The following SPAG16 variants were observed in gnomAD, a reference collection of about 807,000 sequenced individuals.
SPAG16 encodes sperm-associated antigen 16 protein.
Under a neutral mutation model 80.4 loss-of-function variants are expected in SPAG16, and 86 were observed. The ratio of observed to expected loss-of-function variants is 1.07; its 90% CI spans 0.90 to 1.28. SPAG16 has a LOEUF of 1.28. Ranked by LOEUF, SPAG16 falls within the 50% of genes most tolerant of loss-of-function variation. The pLI is 0.00. For synonymous variants in SPAG16, 294 were observed against 265.9 expected (o/e 1.11, Z -1.03); for missense variants, 870 against 765.3 (o/e 1.14, Z -1.61).
chr2:213,761,778 A>C (rs552367018), intron 10 of SPAG16, among the ~76,000 whole-genome samples: 14 of 152,202 alleles, frequency 9.2e-5, no homozygotes, highest in African/African-American at 3.4e-4. Flanking sequence ...AGGCAGGAGA[A>C]TGGCATGAAC....
At chr2:214,152,765 A>T (rs888308961) in intron 15 of SPAG16, among the ~76,000 whole-genome samples, 4 of 152,160 alleles carry the variant, frequency 2.6e-5, no homozygotes, top group Non-Finnish European at 5.9e-5. Context: ...ATGATAGGTA[A>T]GGTCACGTGG....
chr2:213,417,923 G>A (rs368896275), intron 9 of SPAG16, among the ~76,000 whole-genome samples: 14 of 150,194 alleles, frequency 9.3e-5, no homozygotes, highest in African/African-American at 3.4e-4. Context: ...CCAGGTTGGA[G>A]TGTGCAGTGG....
chr2:214,311,195 CCT>C lies in SPAG16; in HGVS notation c.1721-98939_1721-98938del, dbSNP rs980620275. Among the ~76,000 whole-genome samples the C allele has an allele frequency of 3.8e-4, 57 of 151,322 alleles. 1 individual carries two copies. The highest frequency in any genetic ancestry group is 1.6e-3 in the Admixed American group (25 of 15,196). On this transcript the variant is annotated intron_variant, in intron 15 of 15. Coordinates refer to ENST00000331683, the MANE Select transcript of SPAG16 (RefSeq NM_024532.5). ...GAGCGCTTTGGCAGTCTGCATTCCC[CCT>C]CTCTCCCTCTCTCTAGGGTCAGCAC... is the stretch of plus-strand genomic sequence containing the variant.
intron 10 of SPAG16, among the ~76,000 whole-genome samples, chr2:213,513,759 A>C (rs753896740): frequency 6.6e-6 from 1 of 152,164 alleles, no homozygotes; most frequent in Non-Finnish European, 1.5e-5. Flanking sequence ...GGTCCCCTTC[A>C]TATTTATGAG....
intron 10 of SPAG16, among the ~76,000 whole-genome samples, chr2:213,601,776 C>T (rs2061071473): frequency 6.6e-6 from 1 of 152,186 alleles, no homozygotes; most frequent in African/African-American, 2.4e-5. Context: ...CTATAGCATT[C>T]AGTACAGTAA....
intron 14 of SPAG16, among the ~76,000 whole-genome samples, chr2:214,112,764 A>T (rs1203015341): frequency 6.7e-6 from 1 of 148,574 alleles, no homozygotes; most frequent in Non-Finnish European, 1.5e-5. Flanking sequence ...ATGGCTCTTG[A>T]TTCTTTATCG....
At chr2:214,401,809 G>A (rs961668590) in intron 15 of SPAG16, among the ~76,000 whole-genome samples, 31 of 151,942 alleles carry the variant, frequency 2.0e-4, no homozygotes, top group African/African-American at 7.5e-4. Context: ...GCTAGAAAAT[G>A]TAACATGTTC....
intron 15 of SPAG16, among the ~76,000 whole-genome samples, chr2:214,331,127 G>A (rs906961922): frequency 7.9e-5 from 12 of 152,082 alleles, no homozygotes; most frequent in Admixed American, 1.3e-4. Context: ...CTGGGGCTCC[G>A]GCAACTGGTC....
chr2:214,262,623 T>C lies in SPAG16; in HGVS notation c.1720+113357T>C, dbSNP rs184241535. ...TAACCATAATTTTAATAATAATTTA[T>C]GTCAAAACAATATTTTTTCTGTATC... On this transcript the variant is annotated intron_variant, in intron 15 of 15. Coordinates refer to ENST00000331683, the MANE Select transcript of SPAG16 (RefSeq NM_024532.5). Among the ~76,000 whole-genome samples, 128 of 152,204 alleles carry C rather than the reference T, an allele frequency of 8.4e-4. 1 individual carries two copies. The highest frequency in any genetic ancestry group is 7.0e-3 in the Admixed American group (107 of 15,296).
chr2:214,290,451 T>C (rs1693713509), intron 15 of SPAG16, among the ~76,000 whole-genome samples: 1 of 152,168 alleles, frequency 6.6e-6, no homozygotes. Context: ...TCCTAATTCC[T>C]TGAGGTGCAT....
Position 213,930,173 on chromosome 2 carries a change from C to T in SPAG16, c.1400+28C>T, listed in dbSNP as rs775646971. ...AAGAAGTACTTTAAACATTACTAATCCTCTGTGCTGATACATATACGTGGG... is the reference window on the plus strand; with the variant it reads ...AAGAAGTACTTTAAACATTACTAATTCTCTGTGCTGATACATATACGTGGG... On this transcript the variant is annotated intron_variant, in intron 12 of 15. Coordinates refer to ENST00000331683, the MANE Select transcript of SPAG16 (RefSeq NM_024532.5). The T allele has an allele frequency of 7.0e-6, 11 of 1,579,020 alleles. 1 individual carries two copies. Among genetic ancestry groups the T allele is most frequent in the African/African-American group, 5.4e-5 (4 of 73,848 alleles).
At chr2:214,153,288 C>T (rs2056065945) in intron 15 of SPAG16, among the ~76,000 whole-genome samples, 1 of 152,130 alleles carries the variant, frequency 6.6e-6, no homozygotes, top group Admixed American at 6.6e-5. Flanking sequence ...GGTCACTTCT[C>T]ACTGTGTCCC....
chr2:213,518,901 C>T (rs545662387), intron 10 of SPAG16, among the ~76,000 whole-genome samples: 20 of 152,228 alleles, frequency 1.3e-4, no homozygotes, highest in South Asian at 6.2e-4. Flanking sequence ...ATAAAAAGAA[C>T]GAAATCATGT....
chr2:214,313,914 C>T (rs1217271893), intron 15 of SPAG16, among the ~76,000 whole-genome samples: 2 of 152,002 alleles, frequency 1.3e-5, no homozygotes, highest in African/African-American at 4.8e-5. Context: ...TGAAATGACT[C>T]CTAAGTATTC....
At chr2:213,826,699 A>G (rs1206055533) in intron 10 of SPAG16, among the ~76,000 whole-genome samples, 3 of 152,030 alleles carry the variant, frequency 2.0e-5, no homozygotes, top group Non-Finnish European at 2.9e-5. Flanking sequence ...TGCTGATGAA[A>G]GAATGTGTAT....
Position 213,888,799 on chromosome 2 carries a change from C to G in SPAG16, c.1214+26171C>G, listed in dbSNP as rs959342841. Among the ~76,000 whole-genome samples the G allele has an allele frequency of 2.0e-5, 3 of 151,788 alleles. No homozygotes were observed. In the East Asian group the frequency reaches 5.8e-4, roughly 29 times the overall value. On this transcript the variant is annotated intron_variant, in intron 11 of 15. Transcript: ENST00000331683. ...CATTTAGAATTATTCTAGTGAGATG[C>G]TCATTAGACTAGAAAATAAAAACAT...
At chr2:214,085,304 G>A (rs2051651191) in intron 13 of SPAG16, among the ~76,000 whole-genome samples, 1 of 151,202 alleles carries the variant, frequency 6.6e-6, no homozygotes, top group South Asian at 2.1e-4. Flanking sequence ...CCCAGGAGAC[G>A]GAGGCTGCGG....
At chr2:214,247,687 C>T (rs1369453495) in intron 15 of SPAG16, among the ~76,000 whole-genome samples, 1 of 152,046 alleles carries the variant, frequency 6.6e-6, no homozygotes, top group Non-Finnish European at 1.5e-5. Flanking sequence ...TATGGGAGGA[C>T]AGGTACATTT....
chr2:214,023,057 C>G (rs2047956711), intron 13 of SPAG16, among the ~76,000 whole-genome samples: 1 of 151,860 alleles, frequency 6.6e-6, no homozygotes, highest in South Asian at 2.1e-4. Context: ...TTAATATTCC[C>G]CGTTCTCAAT....
Sources: allele counts gnomAD v4.1 joint callset (sites outside exome capture counted in the v4.1 genomes callset), GRCh38; gene constraint gnomAD v4.1.1; transcripts MANE v1.5; gene names NCBI Gene and HGNC (gene_info 2026-07-23, HGNC 2026-07-21).